The following TMEM236 variants were observed in gnomAD, a reference collection of about 807,000 sequenced individuals.
The protein encoded by TMEM236 is family with sequence similarity 23, member A.
TMEM236 carries 11 observed loss-of-function variants against 14.7 expected under a neutral mutation model. The observed-to-expected ratio is 0.75, with a 90% CI of 0.47 to 1.24. The LOEUF is 1.24. Ranked by LOEUF, TMEM236 falls within the 50% of genes most tolerant of loss-of-function variation. TMEM236 has a pLI of 0.00. For missense variants in TMEM236, 464 were observed against 427.3 expected, an observed-to-expected ratio of 1.09 and a Z score of -0.76; for synonymous variants, 182 against 168.6, an observed-to-expected ratio of 1.08 and a Z score of -0.62.
chr10:17,752,927 T>G (rs1837230503), intron 1 of TMEM236, among the ~76,000 whole-genome samples: 1 of 152,126 alleles, frequency 6.6e-6, no homozygotes, highest in Non-Finnish European at 1.5e-5. Context: ...TTTGTTTGTT[T>G]GTTTTTTTGT....
chr10:17,754,580 G>A (rs1280139729), intron 1 of TMEM236, among the ~76,000 whole-genome samples: 1 of 152,148 alleles, frequency 6.6e-6, no homozygotes, highest in Non-Finnish European at 1.5e-5. Context: ...ACCCGTCTTG[G>A]CCTCCCAAAG....
Position 17,796,156 on chromosome 10 carries a change from G to A in TMEM236, c.708G>A (p.Glu236=), listed in dbSNP as rs1352528784. 5.0e-6 allele frequency: 8 copies of A among 1,613,834 alleles called. No homozygotes were observed. In the African/African-American group the frequency reaches 9.3e-5, roughly 19 times the overall value. The part of the protein sequence containing the change: ...RMMSRRDVRA[E]LFLWSFLLWS... Reference sequence around the variant, plus strand: ...TGTCCCGGCGAGATGTCCGGGCAGAGTTATTCTTATGGAGCTTTCTCCTGT... The same window carrying A: ...TGTCCCGGCGAGATGTCCGGGCAGAATTATTCTTATGGAGCTTTCTCCTGT... Residue 236 remains glutamate, a synonymous_variant, in exon 4 of 4, where the codon GAG becomes GAA. Coordinates refer to ENST00000377495, the MANE Select transcript of TMEM236 (RefSeq NM_001098844.3).
In TMEM236 at chr10:17,752,421, T is replaced by C; in HGVS notation, c.126T>C (p.Ser42=). The change falls in exon 1 of 4, where the codon TCT becomes TCC. Residue 42 remains serine (S), a synonymous_variant. Coordinates refer to ENST00000377495, the MANE Select transcript of TMEM236 (RefSeq NM_001098844.3). ...ATAYQGTRAR[S]DNTHYWLIIS... ...CCTACCAAGGAACAAGGGCTAGATC[T>C]GACAACACACACTACTGGCTGATCA... 2 of 1,613,996 alleles carry C rather than the reference T, an allele frequency of 1.2e-6. No homozygotes were observed. Among genetic ancestry groups the C allele is most frequent in the Non-Finnish European group, 1.7e-6 (2 of 1,179,876 alleles).
rs1181734908 is a variant in TMEM236, at chr10:17,768,085, G to GTTTTTTTTTTTT, written c.258-3224_258-3223insTTTTTTTTTTTT. Among the ~76,000 whole-genome samples, 46 of 98,824 alleles carry GTTTTTTTTTTTT rather than the reference G, an allele frequency of 4.7e-4. 12 individuals carry two copies. Among genetic ancestry groups the GTTTTTTTTTTTT allele is most frequent in the African/African-American group, 1.3e-3 (33 of 24,818 alleles). The allele number at this position is 98,824 out of a possible 152,430, so 64.8% of individuals were successfully genotyped here. On this transcript the variant is annotated intron_variant, in intron 1 of 3. Coordinates refer to ENST00000377495, the MANE Select transcript of TMEM236 (RefSeq NM_001098844.3). ...ACCACCACACCTCGCTAATTTTTGT[G>GTTTTTTTTTTTT]GTTTTTTTTTTTTTTTTTTTTTTGT...
intron 2 of TMEM236, 77 bp from the exon 3 acceptor site, chr10:17,775,952 G>T: frequency 1.3e-6 from 2 of 1,535,462 alleles, no homozygotes; most frequent in Non-Finnish European, 1.8e-6. Flanking sequence ...ATTTAGTGCT[G>T]CATTCAGACT....
chr10:17,796,437 C>G lies in TMEM236; in HGVS notation c.989C>G (p.Ser330Cys). Residue 330 changes from serine (S) to cysteine (C), a missense_variant, in exon 4 of 4, where the codon TCT becomes TGT. Coordinates refer to ENST00000377495, the MANE Select transcript of TMEM236 (RefSeq NM_001098844.3). Reference protein sequence around the residue: ...GLCKNILVTLSYIYFNYLTRI... With the variant: ...GLCKNILVTLCYIYFNYLTRI... The stretch of plus-strand genomic sequence containing the variant: ...TGTAAAAATATCCTCGTGACTCTCT[C>G]TTACATTTACTTCAATTACCTAACC... 6.2e-7 allele frequency: 1 copy of G among 1,613,788 alleles called. No homozygotes were observed. The highest frequency in any genetic ancestry group is 1.7e-5 in the Admixed American group (1 of 59,976).
chr10:17,793,560 T>G (rs1030681292), intron 3 of TMEM236, among the ~76,000 whole-genome samples: 48 of 152,224 alleles, frequency 3.2e-4, no homozygotes, highest in Non-Finnish European at 5.0e-4. Context: ...CTTAGCTCAC[T>G]GCAACCTCCT....
rs989526207 is a variant in TMEM236 at position 17,797,130 on chromosome 10, G to A, written c.*626G>A. On this transcript the variant is annotated 3_prime_UTR_variant, in exon 4 of 4. Coordinates refer to ENST00000377495, the MANE Select transcript of TMEM236 (RefSeq NM_001098844.3). The stretch of plus-strand genomic sequence containing the variant: ...CTGATGTATACCACGCTTTTTCTAA[G>A]AATACTCTTCAACGGAGCCCTTTAA... 2.0e-5 allele frequency: 3 copies of A among 153,716 alleles called. No individual in the cohort carries two copies. The highest frequency in any genetic ancestry group is 1.9e-4 in the Admixed American group (3 of 15,596). The allele number at this position is 153,716 out of a possible 1,614,324, so 9.5% of individuals were successfully genotyped here. A position where few individuals can be genotyped will look rare whatever the true frequency, so the allele number is the denominator to read the frequency against.
At chr10:17,785,746 G>T (rs1445227815) in intron 3 of TMEM236, among the ~76,000 whole-genome samples, 4 of 151,976 alleles carry the variant, frequency 2.6e-5, no homozygotes. Flanking sequence ...GGACCAACCG[G>T]GGGGGGATAT....
chr10:17,758,926 T>G (rs1380815151), intron 1 of TMEM236, among the ~76,000 whole-genome samples: 1 of 152,234 alleles, frequency 6.6e-6, no homozygotes. Context: ...ATGGTTTTCA[T>G]TTCATGTTCT....
chr10:17,787,147 C>T (rs1837850204), intron 3 of TMEM236, among the ~76,000 whole-genome samples: 2 of 152,216 alleles, frequency 1.3e-5, no homozygotes, highest in Admixed American at 1.3e-4. Context: ...CTGGTGACCC[C>T]TGACGCTACT....
rs1241039428 is a variant in TMEM236 at position 17,754,190 on chromosome 10, G to T, written c.257+1638G>T. Among the ~76,000 whole-genome samples, 3 of 152,294 alleles carry T rather than the reference G, an allele frequency of 2.0e-5. No homozygotes were observed. The East Asian group carries it at 5.8e-4, about 29-fold the overall frequency. On this transcript the variant is annotated intron_variant, in intron 1 of 3. Transcript: ENST00000377495. Reference sequence around the variant, plus strand: ...CTCATAATCAGAAGATGGTAATGTAGAATTTTAATTTTGCGTAAAACTGAA... The same window carrying T: ...CTCATAATCAGAAGATGGTAATGTATAATTTTAATTTTGCGTAAAACTGAA...
In TMEM236 at chr10:17,798,633, T is replaced by C. The variant is rs1388952773; in HGVS notation, c.*2129T>C. On this transcript the variant is annotated 3_prime_UTR_variant, in exon 4 of 4. Coordinates refer to ENST00000377495, the MANE Select transcript of TMEM236 (RefSeq NM_001098844.3). ...GTCTCCCTTTCCCTCTGTTTTAGGATTTTTCTCACACTGTAAAAGAAGATT... is the reference window on the plus strand; with the variant it reads ...GTCTCCCTTTCCCTCTGTTTTAGGACTTTTCTCACACTGTAAAAGAAGATT... The C allele has an allele frequency of 7.6e-6, 4 of 527,732 alleles. No homozygotes were observed. The highest frequency in any genetic ancestry group is 5.9e-5 in the Admixed American group (3 of 51,056). 32.7% of individuals were successfully genotyped at this position (527,732 alleles called of 1,614,324 possible).
At chr10:17,787,649 A>T (rs1837860623) in intron 3 of TMEM236, among the ~76,000 whole-genome samples, 1 of 152,186 alleles carries the variant, frequency 6.6e-6, no homozygotes, top group African/African-American at 2.4e-5. Context: ...TTTATGGTGG[A>T]TCTGTTCCAT....
At chr10:17,777,764 T>G (rs1318377970) in intron 3 of TMEM236, among the ~76,000 whole-genome samples, 3 of 152,162 alleles carry the variant, frequency 2.0e-5, no homozygotes, top group Non-Finnish European at 4.4e-5. Flanking sequence ...TTTTGTTTTG[T>G]TTTTGAGACG....
chr10:17,762,459 CAG>C (rs1342735649), intron 1 of TMEM236, among the ~76,000 whole-genome samples: 2 of 151,336 alleles, frequency 1.3e-5, no homozygotes, highest in East Asian at 3.9e-4. Flanking sequence ...TATTTCATAA[CAG>C]AGTGTATGAT....
At chr10:17,780,130 C>G (rs1589148798) in intron 3 of TMEM236, among the ~76,000 whole-genome samples, 1 of 152,190 alleles carries the variant, frequency 6.6e-6, no homozygotes, top group Admixed American at 6.6e-5. Context: ...GGCCATTCTA[C>G]TCCCCTGGAA....
chr10:17,775,238 C>G (rs1837640723), intron 2 of TMEM236, among the ~76,000 whole-genome samples: 2 of 152,256 alleles, frequency 1.3e-5, no homozygotes, highest in African/African-American at 4.8e-5. Flanking sequence ...ATCATTAATA[C>G]AATGCTTTCC....
chr10:17,770,652 G>A lies in TMEM236; in HGVS notation c.258-657G>A, dbSNP rs868973891. Among the ~76,000 whole-genome samples, 8 of 152,190 alleles carry A rather than the reference G, an allele frequency of 5.3e-5. No homozygotes were observed. In the South Asian group the frequency reaches 1.5e-3, roughly 28 times the overall value. On this transcript the variant is annotated intron_variant, in intron 1 of 3. Coordinates refer to ENST00000377495, the MANE Select transcript of TMEM236 (RefSeq NM_001098844.3). ...CCTGCCTTGGCCTCCCAAAATGCTG[G>A]GATTACAGGCGTGAGCCACCGTGCC...
Sources: allele counts gnomAD v4.1 joint callset (sites outside exome capture counted in the v4.1 genomes callset), GRCh38; gene constraint gnomAD v4.1.1; transcripts MANE v1.5; gene names NCBI Gene and HGNC (gene_info 2026-07-23, HGNC 2026-07-21).